Variants in HERC1 observed in about 807,000 individuals in gnomAD.
HERC1 encodes probable E3 ubiquitin-protein ligase HERC1.
In HERC1, 160 loss-of-function variants were observed where a neutral mutation model predicts 554.3. The ratio of observed to expected loss-of-function variants is 0.29; its 90% CI spans 0.25 to 0.33. The LOEUF (loss-of-function observed/expected upper bound fraction) is 0.33. Ranked by LOEUF, HERC1 falls within the 10% of genes least tolerant of loss-of-function variation. The pLI is 1.00. For missense variants in HERC1, 4,919 were observed against 5,918.5 expected (o/e 0.83, Z 5.54); for synonymous variants, 2,175 against 2,131.7 (o/e 1.02, Z -0.56).
chr15:63,819,109 C>T (rs1295177359), intron 1 of HERC1, among the ~76,000 whole-genome samples: 2 of 152,150 alleles, frequency 1.3e-5, no homozygotes, highest in African/African-American at 4.8e-5. Flanking sequence ...AGAGATCAAA[C>T]CTGCAGTACC....
At chr15:63,614,988 T>C (rs2067752949) in intron 76 of HERC1, among the ~76,000 whole-genome samples, 1 of 152,210 alleles carries the variant, frequency 6.6e-6, no homozygotes, top group Non-Finnish European at 1.5e-5. Context: ...TAAGCTTGTG[T>C]GTGCAGGAGA....
At chr15:63,817,414 T>C (rs1317653089) in intron 1 of HERC1, among the ~76,000 whole-genome samples, 2 of 152,188 alleles carry the variant, frequency 1.3e-5, no homozygotes, top group Non-Finnish European at 2.9e-5. Context: ...GTCAAGGATT[T>C]GATTTAAAAC....
At position 63,651,260 on chromosome 15, in the gene HERC1, T is replaced by G. The variant is rs1433590222; in HGVS notation, c.10539A>C (p.Gln3513His). 1 of 1,613,854 alleles carries G rather than the reference T, an allele frequency of 6.2e-7. No individual in the cohort carries two copies. Among genetic ancestry groups the G allele is most frequent in the African/African-American group, 1.3e-5 (1 of 75,062 alleles). The change falls in exon 53 of 78, where the codon CAA becomes CAC. Residue 3513 changes from glutamine to histidine, a missense_variant. Around this residue, in one of 11 missense-constraint regions of HERC1, gnomAD observed 1,963 missense variants for 2,228.6 expected, o/e 0.88. Coordinates refer to ENST00000443617, the MANE Select transcript of HERC1 (RefSeq NM_003922.4). The part of the protein sequence containing the change: ...GALEKMVNIW[Q>H]VNGGKGLVDI... Reference sequence around the variant, plus strand: ...TGTTTACATGACTCTTACCATTAACTTGCCAGATATTCACCATCTTTTCCA... The same window carrying G: ...TGTTTACATGACTCTTACCATTAACGTGCCAGATATTCACCATCTTTTCCA...
rs756033843 is a variant in HERC1, at chr15:63,678,260, G to A, written c.6655C>T (p.Leu2219Phe). The change falls in exon 37 of 78, where the codon CTC (leucine) becomes TTC (phenylalanine). Residue 2219 changes from leucine to phenylalanine, a missense_variant. Around this residue, in one of 11 missense-constraint regions of HERC1, gnomAD observed 1,963 missense variants for 2,228.6 expected, o/e 0.88. Coordinates refer to ENST00000443617, the MANE Select transcript of HERC1 (RefSeq NM_003922.4). ...AAVLAEATIQ[L>F]IRILHRTDRW... is the part of the protein sequence containing the mutation. ...TCTGTTCGGTGAAGGATACGGATGA[G>A]CTGAATAGTGGCCTCAGCCAGCACT... 1.2e-6 allele frequency: 2 copies of A among 1,613,584 alleles called. No homozygotes were observed. Among genetic ancestry groups the A allele is most frequent in the African/African-American group, 1.3e-5 (1 of 74,824 alleles).
chr15:63,662,151 A>T, intron 44 of HERC1, 130 bp from the exon 45 acceptor site: 1 of 1,015,250 alleles, frequency 9.8e-7, no homozygotes. Context: ...CATTAATGCT[A>T]AATAAAAAAT....
chr15:63,673,062 T>C (rs1488183387), intron 38 of HERC1, among the ~76,000 whole-genome samples: 1 of 152,222 alleles, frequency 6.6e-6, no homozygotes, highest in Non-Finnish European at 1.5e-5. Flanking sequence ...CACTTTCATT[T>C]TGATGCCTAT....
Position 63,718,763 on chromosome 15 carries a change from G to A in HERC1, c.3857+20C>T. The A allele has an allele frequency of 6.2e-7, 1 of 1,606,386 alleles. No individual in the cohort carries two copies. The highest frequency in any genetic ancestry group is 1.1e-5 in the South Asian group (1 of 90,374). On this transcript the variant is annotated intron_variant, in intron 20 of 77. Coordinates refer to ENST00000443617, the MANE Select transcript of HERC1 (RefSeq NM_003922.4). This position sits in a 1 kb window ranked among gnomAD's most constrained non-coding sequence, Gnocchi z 4.2. ...TCATGAGAGCAAATATTTGTCTGAGGATAGTTTTAAGTTACTTGCCGGCTT... is the reference window on the plus strand; with the variant it reads ...TCATGAGAGCAAATATTTGTCTGAGAATAGTTTTAAGTTACTTGCCGGCTT...
chr15:63,669,663 A>G lies in HERC1; in HGVS notation c.8081T>C (p.Leu2694Pro). ...AGGAGTCTGTGCCCGACGTGTGGGAAGTACAGTGGTAGTTGGGTAACTAGA... is the reference window on the plus strand; with the variant it reads ...AGGAGTCTGTGCCCGACGTGTGGGAGGTACAGTGGTAGTTGGGTAACTAGA... ...MFSSYPTTTV[L>P]PTRRAQTPPI... Residue 2694 changes from leucine to proline, a missense_variant, in exon 40 of 78, where the codon CTT becomes CCT. By Grantham distance (98) the Leu-to-Pro change is moderately conservative. Coordinates refer to ENST00000443617, the MANE Select transcript of HERC1 (RefSeq NM_003922.4). 6.2e-7 allele frequency: 1 copy of G among 1,613,952 alleles called. No homozygotes were observed. The highest frequency in any genetic ancestry group is 8.5e-7 in the Non-Finnish European group (1 of 1,179,826).
At chr15:63,811,580 C>G (rs949627652) in intron 1 of HERC1, among the ~76,000 whole-genome samples, 1 of 151,922 alleles carries the variant, frequency 6.6e-6, no homozygotes, top group Non-Finnish European at 1.5e-5. Context: ...GCGGCCGAGA[C>G]GGGCAGATCA....
chr15:63,701,017 G>GT (rs869110161), intron 25 of HERC1, among the ~76,000 whole-genome samples: 2 of 151,010 alleles, frequency 1.3e-5, no homozygotes. Context: ...CATTGAACTT[G>GT]TTTTTTGGGG....
chr15:63,788,082 T>C (rs1340138046), intron 1 of HERC1, among the ~76,000 whole-genome samples: 1 of 150,698 alleles, frequency 6.6e-6, no homozygotes, highest in African/African-American at 2.5e-5. Flanking sequence ...TAGATCAGAA[T>C]AGCTACAATA....
At chr15:63,617,305 C>T (rs2067863759) in intron 74 of HERC1, among the ~76,000 whole-genome samples, 1 of 152,180 alleles carries the variant, frequency 6.6e-6, no homozygotes, top group African/African-American at 2.4e-5. Context: ...ATGATGGTTT[C>T]CAGCTTCATT....
chr15:63,669,317 C>T (rs1207991119), intron 40 of HERC1, among the ~76,000 whole-genome samples: 1 of 152,204 alleles, frequency 6.6e-6, no homozygotes, highest in Non-Finnish European at 1.5e-5. Flanking sequence ...AAATGAAGAG[C>T]TGATATGACT....
At chr15:63,809,714 T>C (rs1355001946) in intron 1 of HERC1, among the ~76,000 whole-genome samples, 1 of 151,932 alleles carries the variant, frequency 6.6e-6, no homozygotes, top group Non-Finnish European at 1.5e-5. Context: ...ATTTTCTTAG[T>C]GTAGTTTTAA....
intron 51 of HERC1, among the ~76,000 whole-genome samples, chr15:63,652,968 G>A (rs1488719841): frequency 1.3e-5 from 2 of 152,048 alleles, no homozygotes. Context: ...TTTCTAAATG[G>A]CTTGCAAATA....
chr15:63,727,915 T>C lies in HERC1; in HGVS notation c.3155-77A>G, dbSNP rs2074103535. ...AAAAAAGGAACCTAATAAATATTATTTTAGCTTGGAACTAGAGTAGACTCA... is the reference window on the plus strand; with the variant it reads ...AAAAAAGGAACCTAATAAATATTATCTTAGCTTGGAACTAGAGTAGACTCA... On this transcript the variant is annotated intron_variant, in intron 16 of 77. Transcript: ENST00000443617. The surrounding 1 kb of genome is among the most constrained non-coding windows in gnomAD (Gnocchi z 4.3). 8.3e-7 allele frequency: 1 copy of C among 1,208,528 alleles called. No homozygotes were observed. The highest frequency in any genetic ancestry group is 1.2e-6 in the Non-Finnish European group (1 of 846,802). The allele number at this position is 1,208,528 out of a possible 1,614,324, so 74.9% of individuals were successfully genotyped here. A position where few individuals can be genotyped will look rare whatever the true frequency, so the allele number is the denominator to read the frequency against.
intron 50 of HERC1, 60 bp downstream of exon 50, chr15:63,655,682 C>T (rs2069992994): frequency 8.4e-7 from 1 of 1,188,548 alleles, no homozygotes. Context: ...AATGTAAAAA[C>T]ATTATTTAAA....
Position 63,756,563 on chromosome 15 carries a change from G to C in HERC1, c.1407C>G (p.His469Gln). 3.7e-6 allele frequency: 6 copies of C among 1,613,854 alleles called. No homozygotes were observed. The highest frequency in any genetic ancestry group is 5.1e-6 in the Non-Finnish European group (6 of 1,179,762). ...KVSSSKGSDG[H>Q]TLAFTTEGEV... is the part of the protein sequence containing the mutation. The stretch of plus-strand genomic sequence containing the variant: ...CTCCTTCTGTCGTAAAGGCTAAAGT[G>C]TGACCATCAGATCCTTTAGAAGATG... The change falls in exon 5 of 78, where the codon CAC becomes CAG. Residue 469 changes from histidine to glutamine, a missense_variant. Transcript: ENST00000443617. The surrounding 1 kb of genome is among the most constrained non-coding windows in gnomAD (Gnocchi z 5.0).
intron 1 of HERC1, among the ~76,000 whole-genome samples, chr15:63,802,631 T>C (rs1767072890): frequency 6.6e-6 from 1 of 152,008 alleles, no homozygotes; most frequent in South Asian, 2.1e-4. Context: ...AATGCACAAA[T>C]CCAAACTGAC....
Sources: gnomAD v4.1 joint callset for allele counts (sites outside exome capture counted in the v4.1 genomes callset) on GRCh38, gnomAD v4.1.1 for gene constraint, gnomAD v4.1.1 regional missense constraint, Gnocchi (gnomAD v3.1) non-coding constraint, MANE v1.5 for transcripts, NCBI Gene and HGNC (gene_info 2026-07-23, HGNC 2026-07-21) for gene names.